LHPP: variants seen among roughly 807,000 people sequenced by gnomAD.
LHPP encodes the protein hLHPP.
A neutral mutation model predicts 30.3 loss-of-function variants in LHPP; 24 were observed. The ratio of observed to expected loss-of-function variants is 0.79; its 90% CI spans 0.57 to 1.11. The LOEUF is 1.11. Among genes scored for constraint, LHPP ranks in the 50% most tolerant of loss-of-function variants. The pLI is 0.00. For missense variants in LHPP, 356 were observed against 367.2 expected, an observed-to-expected ratio of 0.97 and a Z score of 0.25; for synonymous variants, 150 against 157.1, an observed-to-expected ratio of 0.95 and a Z score of 0.34.
chr10:124,473,372 T>C (rs1270326779), intron 1 of LHPP, among the ~76,000 whole-genome samples: 1 of 152,188 alleles, frequency 6.6e-6, no homozygotes, highest in Admixed American at 6.5e-5. Flanking sequence ...GTGATAGGAC[T>C]TATTCAGACA....
intron 5 of LHPP, among the ~76,000 whole-genome samples, chr10:124,503,447 G>A (rs1030231526): frequency 6.6e-6 from 1 of 152,002 alleles, no homozygotes; most frequent in Non-Finnish European, 1.5e-5. Context: ...GGACACCCCT[G>A]CTCTAGAGGT....
intron 6 of LHPP, among the ~76,000 whole-genome samples, chr10:124,603,334 C>A (rs919399608): frequency 2.6e-5 from 4 of 152,142 alleles, no homozygotes; most frequent in African/African-American, 9.7e-5. Flanking sequence ...CCCTCCCCAC[C>A]CCTCCTTGTT....
rs1554879618 is a variant in LHPP, at chr10:124,481,391, T to TTTTG, written c.126-2747_126-2744dup. On this transcript the variant is annotated intron_variant, in intron 1 of 6. Coordinates refer to ENST00000368842, the MANE Select transcript of LHPP (RefSeq NM_022126.4). Reference sequence around the variant, plus strand: ...CTGCCCCCTTTTTTTTTTTTTTTTTTTTTGCGACAGAGTCTCACTGTGTGA... The same window carrying TTTTG: ...CTGCCCCCTTTTTTTTTTTTTTTTTTTTTGTTTGCGACAGAGTCTCACTGTGTGA... Among the ~76,000 whole-genome samples the TTTTG allele has an allele frequency of 1.3e-3, 179 of 140,858 alleles. 5 individuals carry two copies. The highest frequency in any genetic ancestry group is 3.9e-3 in the Middle Eastern group (1 of 256). The allele number at this position is 140,858 out of a possible 152,430, so 92.4% of individuals were successfully genotyped here.
intron 6 of LHPP, chr10:124,605,150 C>G (rs11812870): frequency 0.48 from 73,122 of 152,240 alleles, 17,868 homozygotes; most frequent in East Asian, 0.61. Context: ...TGGCCAGGCC[C>G]CAGGCACAGA....
chr10:124,581,037 C>T (rs774653000), intron 6 of LHPP, among the ~76,000 whole-genome samples: 2 of 152,138 alleles, frequency 1.3e-5, no homozygotes, highest in African/African-American at 2.4e-5. Context: ...TTCATTACCC[C>T]CAAATAAACC....
At chr10:124,555,656 C>T (rs1022713499) in intron 6 of LHPP, among the ~76,000 whole-genome samples, 1 of 152,168 alleles carries the variant, frequency 6.6e-6, no homozygotes, top group Non-Finnish European at 1.5e-5. Context: ...GCCTGGTGTG[C>T]GGGGCCTGAA....
intron 6 of LHPP, among the ~76,000 whole-genome samples, chr10:124,539,830 A>G (rs1955137868): frequency 1.3e-5 from 2 of 151,902 alleles, no homozygotes; most frequent in Admixed American, 6.6e-5. Flanking sequence ...TGAGCCCAGA[A>G]GGTTGAGGCT....
At chr10:124,560,234 G>A (rs1358204487) in intron 6 of LHPP, among the ~76,000 whole-genome samples, 1 of 152,108 alleles carries the variant, frequency 6.6e-6, no homozygotes, top group Non-Finnish European at 1.5e-5. Flanking sequence ...TGGAAAATTT[G>A]GAAATTATAA....
chr10:124,564,311 G>T (rs1169023878), intron 6 of LHPP, among the ~76,000 whole-genome samples: 1 of 152,012 alleles, frequency 6.6e-6, no homozygotes, highest in Non-Finnish European at 1.5e-5. Context: ...TTTTAGTAGA[G>T]ACAGGGTTTC....
At chr10:124,567,704 T>C (rs1435114938) in intron 6 of LHPP, among the ~76,000 whole-genome samples, 1 of 152,162 alleles carries the variant, frequency 6.6e-6, no homozygotes, top group African/African-American at 2.4e-5. Context: ...GAGCTGTTAC[T>C]CTCCTCGGTT....
At chr10:124,498,282 G>A in intron 5 of LHPP, 154 bp downstream of exon 5, 2 of 1,560,782 alleles carry the variant, frequency 1.3e-6, no homozygotes, top group Non-Finnish European at 1.7e-6. Context: ...TGGGAAGGAG[G>A]GGGAAGACAG....
At position 124,523,764 on chromosome 10, in the gene LHPP, G is replaced by A. The variant is rs553528101; in HGVS notation, c.716+6493G>A. 3.3e-5 allele frequency among the ~76,000 whole-genome samples: 5 copies of A among 152,308 alleles called. No homozygotes were observed. The highest frequency in any genetic ancestry group is 1.3e-4 in the Admixed American group (2 of 15,306). ...CAATCCGAGCCAGCCCCGGTGGAGA[G>A]AAAGGGCCAGTGCTGGGCTTGGGAG... On this transcript the variant is annotated intron_variant, in intron 6 of 6. Transcript: ENST00000368842. The surrounding 1 kb of genome is among the most constrained non-coding windows in gnomAD (Gnocchi z 4.2).
chr10:124,587,990 C>T (rs966914893), intron 6 of LHPP, among the ~76,000 whole-genome samples: 1 of 152,216 alleles, frequency 6.6e-6, no homozygotes, highest in Non-Finnish European at 1.5e-5. Flanking sequence ...AACACAGCCT[C>T]ACCCTGGCAT....
At chr10:124,587,624 C>T (rs1301698211) in intron 6 of LHPP, among the ~76,000 whole-genome samples, 2 of 151,366 alleles carry the variant, frequency 1.3e-5, no homozygotes, top group Non-Finnish European at 2.9e-5. Flanking sequence ...CCTGTAATCC[C>T]AGCCACTCGG....
Position 124,517,215 on chromosome 10 carries a change from C to T in LHPP, c.660C>T (p.Val220=), listed in dbSNP as rs748176426. 17 of 1,606,818 alleles carry T rather than the reference C, an allele frequency of 1.1e-5. No individual in the cohort carries two copies. The highest frequency in any genetic ancestry group is 8.9e-5 in the South Asian group (8 of 89,762). The change falls in exon 6 of 7, where the codon GTC becomes GTT. Residue 220 remains valine (V), a synonymous_variant. Coordinates refer to ENST00000368842, the MANE Select transcript of LHPP (RefSeq NM_022126.4). The surrounding 1 kb of genome is among the most constrained non-coding windows in gnomAD (Gnocchi z 4.1). ...TTGGGGACGATATCGTGGGCGACGT[C>T]GGCGGTGCCCAGCGGTGTGGAATGA... ...VMIGDDIVGD[V]GGAQRCGMRA...
intron 6 of LHPP, among the ~76,000 whole-genome samples, chr10:124,579,483 A>G (rs1948717195): frequency 1.3e-5 from 2 of 150,316 alleles, no homozygotes; most frequent in Non-Finnish European, 2.9e-5. Flanking sequence ...TGGCTGTCCC[A>G]CAATTTATAT....
At chr10:124,606,985 C>T (rs1451998248) in intron 6 of LHPP, among the ~76,000 whole-genome samples, 4 of 152,162 alleles carry the variant, frequency 2.6e-5, no homozygotes, top group Non-Finnish European at 5.9e-5. Flanking sequence ...TCCTCTTTTT[C>T]CGTTTCTGCC....
At chr10:124,500,210 C>T (rs895102280) in intron 5 of LHPP, among the ~76,000 whole-genome samples, 10 of 151,940 alleles carry the variant, frequency 6.6e-5, no homozygotes, top group African/African-American at 1.9e-4. Flanking sequence ...TGGTGGCCCA[C>T]GCCTGTAATC....
At chr10:124,494,600 T>C (rs1379075721) in intron 3 of LHPP, among the ~76,000 whole-genome samples, 1 of 152,140 alleles carries the variant, frequency 6.6e-6, no homozygotes, top group Admixed American at 6.5e-5. Context: ...GCAGAGGGCC[T>C]TGCCTGTGGT....
Sources: allele counts gnomAD v4.1 joint callset (sites outside exome capture counted in the v4.1 genomes callset), GRCh38; gene constraint gnomAD v4.1.1; non-coding constraint Gnocchi (gnomAD v3.1); transcripts MANE v1.5; gene names NCBI Gene and HGNC (gene_info 2026-07-23, HGNC 2026-07-21).